Variants in IL23R observed in about 807,000 individuals in gnomAD.
IL23R encodes interleukin-23 receptor.
In IL23R, 34 loss-of-function variants were observed where a neutral mutation model predicts 56.9. The observed-to-expected ratio is 0.60, with a 90% CI of 0.45 to 0.80. The LOEUF (loss-of-function observed/expected upper bound fraction) is 0.80, where lower values mean the gene tolerates loss of function less well. IL23R is among the 30% of genes least tolerant of loss of function. The pLI is 0.00. For synonymous variants in IL23R, 230 were observed against 249.2 expected (o/e 0.92, Z 0.73); for missense variants, 635 against 730.0 (o/e 0.87, Z 1.50).
intron 1 of IL23R, among the ~76,000 whole-genome samples, chr1:67,153,082 C>T (rs192343629): frequency 1.3e-5 from 2 of 152,146 alleles, no homozygotes; most frequent in African/African-American, 2.4e-5. Flanking sequence ...TGGTCCTGGG[C>T]TTTTTTTGGT....
Position 67,237,528 on chromosome 1 carries a change from T to A in IL23R, c.1045+726T>A, listed in dbSNP as rs992588995. ...AACTTAGAGTAGTTGAGGAAACTTT[T>A]CAAGGTCATAGAGCTGCTAAGTGAC... On this transcript the variant is annotated intron_variant, in intron 8 of 10. Coordinates refer to ENST00000347310, the MANE Select transcript of IL23R (RefSeq NM_144701.3). 4.6e-5 allele frequency among the ~76,000 whole-genome samples: 7 copies of A among 152,238 alleles called. No individual in the cohort carries two copies. In the East Asian group the frequency reaches 1.2e-3, roughly 25 times the overall value.
chr1:67,168,083 T>G lies in IL23R; in HGVS notation c.-29-9T>G. ...TACAATTTAAACATTTTTCATATTTTTTTTCCAGAGGGAAACAGTCTTTTC... is the reference window on the plus strand; with the variant it reads ...TACAATTTAAACATTTTTCATATTTGTTTTCCAGAGGGAAACAGTCTTTTC... On this transcript the variant is annotated splice_polypyrimidine_tract_variant and intron_variant, in intron 1 of 10. Transcript: ENST00000347310. 1 of 1,412,004 alleles carries G rather than the reference T, an allele frequency of 7.1e-7. No homozygotes were observed. The highest frequency in any genetic ancestry group is 1.0e-6 in the Non-Finnish European group (1 of 997,034). The allele number at this position is 1,412,004 out of a possible 1,614,324, so 87.5% of individuals were successfully genotyped here.
intron 1 of IL23R, among the ~76,000 whole-genome samples, chr1:67,149,258 A>G (rs1414671170): frequency 6.6e-6 from 1 of 152,134 alleles, no homozygotes; most frequent in Non-Finnish European, 1.5e-5. Context: ...TTCTTGTGGC[A>G]GAAAGTCTGA....
intron 3 of IL23R, among the ~76,000 whole-genome samples, chr1:67,177,832 C>A (rs1217211409): frequency 6.6e-6 from 1 of 151,054 alleles, no homozygotes; most frequent in African/African-American, 2.5e-5. Context: ...CAGCCTTATG[C>A]ATATGGCTAG....
intron 6 of IL23R, among the ~76,000 whole-genome samples, chr1:67,213,732 C>A (rs140573886): frequency 9.8e-5 from 15 of 152,314 alleles, no homozygotes; most frequent in African/African-American, 3.4e-4. Context: ...TGTGTAATTA[C>A]AATCTATGAT....
chr1:67,241,024 G>T (rs1454250808), intron 9 of IL23R, among the ~76,000 whole-genome samples: 1 of 152,204 alleles, frequency 6.6e-6, no homozygotes, highest in East Asian at 1.9e-4. Context: ...ACTAAGTTAG[G>T]TTTTCAATCT....
rs144477199 is a variant in IL23R at position 67,240,518 on chromosome 1, A to T, written c.1148+237A>T. Among the ~76,000 whole-genome samples the T allele has an allele frequency of 7.9e-5, 12 of 152,296 alleles. 1 individual carries two copies. In the East Asian group the frequency reaches 2.3e-3, roughly 29 times the overall value. ...AGCTTCCTGGCCTATTTTACAGGTG[A>T]CTTAAATGAGGCTTAAAGAGGCTAA... On this transcript the variant is annotated intron_variant, in intron 9 of 10. Coordinates refer to ENST00000347310, the MANE Select transcript of IL23R (RefSeq NM_144701.3).
At chr1:67,205,915 C>CTTTCTCTT (rs1553291061) in intron 5 of IL23R, among the ~76,000 whole-genome samples, 1 of 123,134 alleles carries the variant, frequency 8.1e-6, no homozygotes, top group African/African-American at 2.9e-5. Context: ...TTCTTTCTTT[C>CTTTCTCTT]TTTCTTTCTT....
downstream of IL23R, among the ~76,000 whole-genome samples, chr1:67,263,950 C>T (rs1393745858): frequency 6.6e-6 from 1 of 152,092 alleles, no homozygotes; most frequent in East Asian, 1.9e-4. Context: ...CCTTGGAGGT[C>T]ATACCTGTGC....
At chr1:67,182,294 C>G (rs1431415352) in intron 3 of IL23R, among the ~76,000 whole-genome samples, 1 of 152,218 alleles carries the variant, frequency 6.6e-6, no homozygotes, top group East Asian at 1.9e-4. Context: ...CCAGTTCGAG[C>G]TTCCCAGCCA....
At chr1:67,239,823 G>C (rs868572874) in intron 8 of IL23R, among the ~76,000 whole-genome samples, 13 of 152,262 alleles carry the variant, frequency 8.5e-5, no homozygotes, top group Middle Eastern at 3.4e-3. Context: ...TTTAGACATT[G>C]TTACAGCAAT....
At chr1:67,222,864 C>G (rs1373117363) in intron 7 of IL23R, among the ~76,000 whole-genome samples, 1 of 152,176 alleles carries the variant, frequency 6.6e-6, no homozygotes, top group Non-Finnish European at 1.5e-5. Context: ...ATTTTCCCCA[C>G]CATCCCTCAG....
At chr1:67,248,977 C>T (rs12061497) in intron 9 of IL23R, among the ~76,000 whole-genome samples, 6 of 152,130 alleles carry the variant, frequency 3.9e-5, no homozygotes, top group Non-Finnish European at 7.4e-5. Flanking sequence ...TTCAGCCCCC[C>T]CTCCATGAGC....
At chr1:67,225,729 C>A (rs185946092) in intron 7 of IL23R, among the ~76,000 whole-genome samples, 1 of 152,016 alleles carries the variant, frequency 6.6e-6, no homozygotes. Flanking sequence ...AGGCTGGTCT[C>A]GAACTCCTGA....
At chr1:67,218,726 TG>T (rs1558249488) in intron 6 of IL23R, among the ~76,000 whole-genome samples, 1 of 151,472 alleles carries the variant, frequency 6.6e-6, no homozygotes, top group African/African-American at 2.4e-5. Flanking sequence ...GAGACCAGCC[TG>T]GGCAATATAA....
rs1649661374 is a variant in IL23R at position 67,213,922 on chromosome 1, T to C, written c.799-5652T>C. Among the ~76,000 whole-genome samples, 6 of 152,306 alleles carry C rather than the reference T, an allele frequency of 3.9e-5. No individual in the cohort carries two copies. In the South Asian group the frequency reaches 6.2e-4, roughly 16 times the overall value. On this transcript the variant is annotated intron_variant, in intron 6 of 10. Transcript: ENST00000347310. ...TACAAACATCTTGCTCCCACCTCAT[T>C]TACCTCTCTCCCTTCTGAATTCCCT...
chr1:67,219,006 AATAT>A (rs1286587368), intron 6 of IL23R, among the ~76,000 whole-genome samples: 3 of 151,588 alleles, frequency 2.0e-5, no homozygotes, highest in Non-Finnish European at 4.4e-5. Context: ...CACATAAATA[AATAT>A]ATATACACAT....
chr1:67,171,756 G>C (rs1186318893), intron 3 of IL23R, among the ~76,000 whole-genome samples: 1 of 152,020 alleles, frequency 6.6e-6, no homozygotes, highest in Non-Finnish European at 1.5e-5. Context: ...TGGTATGTGG[G>C]GGCCTAGTGC....
At chr1:67,151,154 G>C (rs1377516330) in intron 1 of IL23R, among the ~76,000 whole-genome samples, 1 of 152,160 alleles carries the variant, frequency 6.6e-6, no homozygotes, top group Non-Finnish European at 1.5e-5. Context: ...ATTCTGACTG[G>C]TGTGTAATGG....
Sources: gnomAD v4.1 joint callset for allele counts (sites outside exome capture counted in the v4.1 genomes callset) on GRCh38, gnomAD v4.1.1 for gene constraint, MANE v1.5 for transcripts, NCBI Gene and HGNC (gene_info 2026-07-23, HGNC 2026-07-21) for gene names.